FGF14: variants seen among roughly 807,000 people sequenced by gnomAD.
FGF14 encodes fibroblast growth factor 14.
Under a neutral mutation model 25.5 loss-of-function variants are expected in FGF14, and 5 were observed. The observed-to-expected ratio is 0.20, with a 90% CI of 0.10 to 0.41. FGF14 has a LOEUF of 0.41. Among genes scored for constraint, FGF14 ranks in the 10% least tolerant of loss-of-function variants. FGF14 has a pLI of 1.00. For missense variants in FGF14, 222 were observed against 320.1 expected, an observed-to-expected ratio of 0.69 and a Z score of 2.34; for synonymous variants, 138 against 118.3, an observed-to-expected ratio of 1.17 and a Z score of -1.08.
intron 1 of FGF14, among the ~76,000 whole-genome samples, chr13:102,358,961 C>A (rs2057491653): frequency 6.6e-6 from 1 of 152,098 alleles, no homozygotes; most frequent in Non-Finnish European, 1.5e-5. Context: ...AAATGTGGTA[C>A]ATATATACCA....
At chr13:101,753,803 C>CA (rs34402522) in intron 3 of FGF14, among the ~76,000 whole-genome samples, 13,897 of 110,332 alleles carry the variant, frequency 0.13, 710 homozygotes, top group African/African-American at 0.15. Flanking sequence ...AACTCCGTCT[C>CA]AAAAAAAAAA....
intron 1 of FGF14, among the ~76,000 whole-genome samples, chr13:102,039,707 C>T (rs1381966257): frequency 6.6e-6 from 1 of 152,130 alleles, no homozygotes; most frequent in Admixed American, 6.6e-5. Flanking sequence ...CCAATTTCCA[C>T]ATATGGTCAC....
chr13:101,739,557 G>A (rs566523877), intron 3 of FGF14, among the ~76,000 whole-genome samples: 1 of 152,248 alleles, frequency 6.6e-6, no homozygotes, highest in East Asian at 1.9e-4. Flanking sequence ...TAGACTAAGA[G>A]CAGCGTGAAG....
At chr13:101,858,270 G>A (rs1361258972) in intron 3 of FGF14, among the ~76,000 whole-genome samples, 6 of 150,984 alleles carry the variant, frequency 4.0e-5, no homozygotes, top group Non-Finnish European at 8.9e-5. Context: ...TGGATAGATG[G>A]TATATTGAGA....
At chr13:102,064,565 A>G (rs979710500) in intron 1 of FGF14, among the ~76,000 whole-genome samples, 8 of 151,988 alleles carry the variant, frequency 5.3e-5, no homozygotes, top group Non-Finnish European at 1.2e-4. Context: ...TTATGGGAAA[A>G]GCATAAAAAT....
chr13:102,065,219 A>G (rs2042853010), intron 1 of FGF14, among the ~76,000 whole-genome samples: 1 of 152,082 alleles, frequency 6.6e-6, no homozygotes, highest in Admixed American at 6.5e-5. Context: ...TAATGGATAT[A>G]GTGCTTTCTT....
intron 2 of FGF14, among the ~76,000 whole-genome samples, chr13:101,874,751 T>G (rs1028838214): frequency 3.3e-5 from 5 of 152,120 alleles, no homozygotes; most frequent in African/African-American, 1.2e-4. Flanking sequence ...ATTTCTATTA[T>G]GTAAAAAAAC....
intron 1 of FGF14, among the ~76,000 whole-genome samples, chr13:102,059,428 T>G (rs1252824287): frequency 6.6e-6 from 1 of 152,156 alleles, no homozygotes; most frequent in Non-Finnish European, 1.5e-5. Flanking sequence ...ACATGCTTTC[T>G]CAATAGCCAG....
At chr13:101,792,584 C>T (rs531114362) in intron 3 of FGF14, among the ~76,000 whole-genome samples, 65 of 152,226 alleles carry the variant, frequency 4.3e-4, no homozygotes, top group African/African-American at 1.4e-3. Context: ...AAATAGACTG[C>T]CATTGCAAGA....
At chr13:102,389,108 C>T (rs1479891997) in intron 1 of FGF14, among the ~76,000 whole-genome samples, 1 of 152,014 alleles carries the variant, frequency 6.6e-6, no homozygotes, top group Non-Finnish European at 1.5e-5. Context: ...AAGATTTCCC[C>T]TTCTTCCCCT....
chr13:102,252,636 T>A (rs1353536280), intron 1 of FGF14, among the ~76,000 whole-genome samples: 1 of 152,140 alleles, frequency 6.6e-6, no homozygotes, highest in Non-Finnish European at 1.5e-5. Context: ...TTGTTTCTTA[T>A]ATGTATTTTT....
intron 1 of FGF14, among the ~76,000 whole-genome samples, chr13:101,985,070 T>G (rs929943346): frequency 2.5e-4 from 29 of 117,974 alleles, no homozygotes; most frequent in African/African-American, 1.0e-3. Flanking sequence ...AATTCAAGGG[T>G]TTTTTTTTTG....
At chr13:102,089,947 G>T (rs55807694) in intron 1 of FGF14, among the ~76,000 whole-genome samples, 11,123 of 152,164 alleles carry the variant, frequency 0.073, 1,364 homozygotes, top group African/African-American at 0.25. Flanking sequence ...TCATTGTCAG[G>T]CCTTGTCTTT....
intron 1 of FGF14, among the ~76,000 whole-genome samples, chr13:102,176,974 C>A (rs546293341): frequency 6.6e-6 from 1 of 152,238 alleles, no homozygotes; most frequent in South Asian, 2.1e-4. Context: ...TATGCTATGT[C>A]AGTTTTAAAA....
rs1412994893 is a variant in FGF14, at chr13:102,065,412, T to C, written c.209-190116A>G. Among the ~76,000 whole-genome samples the C allele has an allele frequency of 3.9e-5, 6 of 152,200 alleles. No homozygotes were observed. In the East Asian group the frequency reaches 5.8e-4, roughly 15 times the overall value. On this transcript the variant is annotated intron_variant, in intron 1 of 4. Coordinates refer to the FGF14 transcript ENST00000376131. ...ACAATGTCCACAGGGTCTTTGAGTATACAATGACACAGTTTAAAACACTCC... is the reference window on the plus strand; with the variant it reads ...ACAATGTCCACAGGGTCTTTGAGTACACAATGACACAGTTTAAAACACTCC...
chr13:102,022,225 T>C (rs899208225), intron 1 of FGF14, among the ~76,000 whole-genome samples: 2 of 152,076 alleles, frequency 1.3e-5, no homozygotes, highest in African/African-American at 4.8e-5. Context: ...ACATAGCCAG[T>C]TGCCTCTACT....
intron 1 of FGF14, among the ~76,000 whole-genome samples, chr13:101,959,383 T>C (rs2036704440): frequency 6.6e-6 from 1 of 152,114 alleles, no homozygotes; most frequent in South Asian, 2.1e-4. Context: ...CTGCAATGTG[T>C]AGTAACAAAA....
At chr13:101,848,220 C>T (rs184443219) in intron 3 of FGF14, among the ~76,000 whole-genome samples, 4 of 151,766 alleles carry the variant, frequency 2.6e-5, no homozygotes, top group Admixed American at 2.0e-4. Flanking sequence ...TTTCATCAAC[C>T]CTGTCAAGAT....
At chr13:101,832,517 T>C (rs983628550) in intron 3 of FGF14, among the ~76,000 whole-genome samples, 5 of 151,952 alleles carry the variant, frequency 3.3e-5, no homozygotes, top group Non-Finnish European at 5.9e-5. Context: ...CTGAAGAAAT[T>C]GTAGAGATCA....
Sources: allele counts gnomAD v4.1 joint callset (sites outside exome capture counted in the v4.1 genomes callset), GRCh38; gene constraint gnomAD v4.1.1; transcripts MANE v1.5; gene names NCBI Gene and HGNC (gene_info 2026-07-23, HGNC 2026-07-21).